KCNH5: variants seen among roughly 807,000 people sequenced by gnomAD.
The protein encoded by KCNH5 is voltage-gated delayed rectifier potassium channel KCNH5.
Under a neutral mutation model 96.1 loss-of-function variants are expected in KCNH5, and 46 were observed. The ratio of observed to expected loss-of-function variants is 0.48; its 90% CI spans 0.38 to 0.61. KCNH5 has a LOEUF of 0.61. Among genes scored for constraint, KCNH5 ranks in the 20% least tolerant of loss-of-function variants. The pLI is 0.00. For missense variants in KCNH5, 907 were observed against 1,225.8 expected (o/e 0.74, Z 3.88); for synonymous variants, 439 against 449.8 (o/e 0.98, Z 0.30).
intron 7 of KCNH5, among the ~76,000 whole-genome samples, chr14:62,911,181 G>T (rs946149863): frequency 5.3e-5 from 8 of 151,872 alleles, no homozygotes; most frequent in East Asian, 3.9e-4. Context: ...AATAAATGAA[G>T]GTATACCATG....
At chr14:62,932,363 G>A (rs770030023) in intron 7 of KCNH5, among the ~76,000 whole-genome samples, 4 of 151,396 alleles carry the variant, frequency 2.6e-5, no homozygotes, top group East Asian at 1.9e-4. Context: ...GGAAATTAAC[G>A]TAGGCAAGCA....
chr14:62,805,010 T>A (rs1886736899), intron 8 of KCNH5, among the ~76,000 whole-genome samples: 3 of 152,214 alleles, frequency 2.0e-5, no homozygotes. Context: ...CCTGAAGATA[T>A]TTTAAGCACT....
chr14:63,003,910 G>A (rs530247971), intron 3 of KCNH5, among the ~76,000 whole-genome samples: 6 of 151,846 alleles, frequency 4.0e-5, no homozygotes, highest in East Asian at 3.9e-4. Context: ...GTCAGCCACC[G>A]CGCCCGGCCA....
rs1566729452 is a variant in KCNH5 at position 62,981,123 on chromosome 14, T to C, written c.691A>G (p.Met231Val). 1.2e-6 allele frequency: 2 copies of C among 1,614,154 alleles called. No individual in the cohort carries two copies. Among genetic ancestry groups the C allele is most frequent in the South Asian group, 1.1e-5 (1 of 91,082 alleles). The part of the protein sequence containing the change: ...ILILTFYTAI[M>V]VPYNVSFKTK... Reference sequence around the variant, plus strand: ...TTGAAGGAAACATTATAAGGAACCATAATGGCGGTGTAGAAGGTAAGAATT... The same window carrying C: ...TTGAAGGAAACATTATAAGGAACCACAATGGCGGTGTAGAAGGTAAGAATT... The change falls in exon 6 of 11, where the codon ATG becomes GTG. Residue 231 changes from methionine to valine, a missense_variant. Transcript: ENST00000322893.
chr14:62,767,056 A>G (rs970989078), intron 10 of KCNH5, among the ~76,000 whole-genome samples: 9 of 149,740 alleles, frequency 6.0e-5, no homozygotes, highest in African/African-American at 2.0e-4. Context: ...CATGCAGCCA[A>G]CAAGCATATG....
At chr14:63,034,447 G>C (rs1030825951) in intron 1 of KCNH5, among the ~76,000 whole-genome samples, 14 of 152,258 alleles carry the variant, frequency 9.2e-5, no homozygotes, top group African/African-American at 3.4e-4. Context: ...ATGTAAGGCT[G>C]GTCTCCTTCA....
In KCNH5 at chr14:62,707,327, G is replaced by A. The variant is rs940154077; in HGVS notation, c.*181C>T. ...TGCATAATATACAAGCAATATCTAT[G>A]TTTTTAATCATCATCTTCTTTGGCA... On this transcript the variant is annotated 3_prime_UTR_variant, in exon 11 of 11. Coordinates refer to ENST00000322893, the MANE Select transcript of KCNH5 (RefSeq NM_139318.5). The A allele has an allele frequency of 5.7e-6, 2 of 351,070 alleles. No homozygotes were observed. The highest frequency in any genetic ancestry group is 4.2e-5 in the African/African-American group (2 of 47,646). 21.7% of individuals were successfully genotyped at this position (351,070 alleles called of 1,614,324 possible). A position where few individuals can be genotyped will look rare whatever the true frequency, so the allele number is the denominator to read the frequency against.
intron 10 of KCNH5, among the ~76,000 whole-genome samples, chr14:62,776,493 G>A (rs1222343276): frequency 3.9e-5 from 6 of 152,094 alleles, no homozygotes; most frequent in Non-Finnish European, 8.8e-5. Context: ...CCAGAACTGT[G>A]AGAAATAAAT....
chr14:62,889,813 A>G (rs1434862085), intron 7 of KCNH5, among the ~76,000 whole-genome samples: 1 of 152,260 alleles, frequency 6.6e-6, no homozygotes, highest in Admixed American at 6.5e-5. Flanking sequence ...ATAACTACAT[A>G]GGAGAGAAGC....
intron 9 of KCNH5, among the ~76,000 whole-genome samples, chr14:62,791,903 C>T (rs1444998363): frequency 6.6e-6 from 1 of 151,558 alleles, no homozygotes; most frequent in Non-Finnish European, 1.5e-5. Flanking sequence ...TCGACTTGAA[C>T]TGTATTCATT....
At position 62,800,118 on chromosome 14, in the gene KCNH5, G is replaced by A. The variant is rs372314960; in HGVS notation, c.1822+2211C>T. On this transcript the variant is annotated intron_variant, in intron 9 of 10. Transcript: ENST00000322893. ...AACAAACAAAAAATCCTGATCTGAT[G>A]GGCTTTTGAATGAACTAGTCTTTTT... 4.0e-5 allele frequency among the ~76,000 whole-genome samples: 6 copies of A among 151,564 alleles called. No homozygotes were observed. In the East Asian group the frequency reaches 5.8e-4, roughly 15 times the overall value.
At chr14:62,924,188 A>T (rs571569988) in intron 7 of KCNH5, among the ~76,000 whole-genome samples, 23 of 152,158 alleles carry the variant, frequency 1.5e-4, no homozygotes, top group African/African-American at 4.6e-4. Context: ...TAAAAAGAAG[A>T]CATACGAATG....
At chr14:62,973,320 G>A (rs1307460038) in intron 6 of KCNH5, among the ~76,000 whole-genome samples, 1 of 152,162 alleles carries the variant, frequency 6.6e-6, no homozygotes, top group African/African-American at 2.4e-5. Context: ...AAGAAGGATT[G>A]GGTAGCGCTA....
chr14:62,929,441 TC>T (rs1373660860), intron 7 of KCNH5, among the ~76,000 whole-genome samples: 1 of 152,072 alleles, frequency 6.6e-6, no homozygotes. Flanking sequence ...TCATATCATG[TC>T]ATTTTTCTAC....
chr14:62,858,128 T>C (rs1887965693), intron 7 of KCNH5, among the ~76,000 whole-genome samples: 1 of 151,958 alleles, frequency 6.6e-6, no homozygotes, highest in Non-Finnish European at 1.5e-5. Context: ...CACAAACACG[T>C]TTTTCACAAA....
At chr14:62,795,054 C>T (rs1886511697) in intron 9 of KCNH5, among the ~76,000 whole-genome samples, 1 of 152,112 alleles carries the variant, frequency 6.6e-6, no homozygotes, top group Admixed American at 6.6e-5. Context: ...ATACTTAACA[C>T]AGTTTCCCCC....
At chr14:62,878,566 G>T (rs1165471315) in intron 7 of KCNH5, among the ~76,000 whole-genome samples, 1 of 152,028 alleles carries the variant, frequency 6.6e-6, no homozygotes, top group Non-Finnish European at 1.5e-5. Context: ...CACAATACAT[G>T]TGGTGTATGA....
At chr14:63,004,458 A>G (rs768087044) in intron 3 of KCNH5, among the ~76,000 whole-genome samples, 1 of 152,244 alleles carries the variant, frequency 6.6e-6, no homozygotes, top group Non-Finnish European at 1.5e-5. Context: ...AGAACCAGAT[A>G]GGCCTGAACA....
chr14:62,871,184 G>T (rs1421875831), intron 7 of KCNH5, among the ~76,000 whole-genome samples: 1 of 152,134 alleles, frequency 6.6e-6, no homozygotes, highest in African/African-American at 2.4e-5. Flanking sequence ...CAGACTCTTT[G>T]TGAGATGCTA....
Sources: gnomAD v4.1 joint callset for allele counts (sites outside exome capture counted in the v4.1 genomes callset) on GRCh38, gnomAD v4.1.1 for gene constraint, MANE v1.5 for transcripts, NCBI Gene and HGNC (gene_info 2026-07-23, HGNC 2026-07-21) for gene names.